VMAC: variants seen among roughly 807,000 people sequenced by gnomAD.
VMAC encodes the protein vimentin-type intermediate filament-associated coiled-coil protein.
In VMAC, 8 loss-of-function variants were observed where a neutral mutation model predicts 4.8. The ratio of observed to expected loss-of-function variants is 1.68; its 90% CI spans 0.99 to 3.03. The LOEUF (loss-of-function observed/expected upper bound fraction) is 3.03. Ranked by LOEUF, VMAC falls within the 30% of genes most tolerant of loss-of-function variation. The pLI, the probability that VMAC is intolerant of heterozygous loss-of-function variation, is 0.00. For synonymous variants in VMAC, 96 were observed against 113.7 expected (o/e 0.84, Z 0.99); for missense variants, 248 against 245.1 (o/e 1.01, Z -0.08).
At chr19:5,906,263 C>G (rs1170288391) in intron 1 of VMAC, among the ~76,000 whole-genome samples, 1 of 152,252 alleles carries the variant, frequency 6.6e-6, no homozygotes, top group African/African-American at 2.4e-5. Context: ...AGCCACCATG[C>G]TGGCCCATAT....
rs1007492711 is a variant in VMAC at position 5,909,404 on chromosome 19, T to A, written c.*262T>A. 4.5e-6 allele frequency: 2 copies of A among 441,822 alleles called. No individual in the cohort carries two copies. The highest frequency in any genetic ancestry group is 4.2e-5 in the African/African-American group (2 of 48,024). 27.4% of individuals were successfully genotyped at this position (441,822 alleles called of 1,614,324 possible). ...ACCTGGCAATGCAAACACAAAGATC[T>A]GGATTTCTGGCAAGACTTGGCCAAG... On this transcript the variant is annotated 3_prime_UTR_variant, in exon 2 of 2. Coordinates refer to ENST00000339485, the MANE Select transcript of VMAC (RefSeq NM_001017921.4).
chr19:5,909,200 G>T lies in VMAC; in HGVS notation c.*58G>T. On this transcript the variant is annotated 3_prime_UTR_variant, in exon 2 of 2. Coordinates refer to ENST00000339485, the MANE Select transcript of VMAC (RefSeq NM_001017921.4). ...AAGCCACTGCTGTCAGTGTCCTTGG[G>T]AGTCACCAGCACCCTGCAGGGGGAC... 1 of 1,509,102 alleles carries T rather than the reference G, an allele frequency of 6.6e-7. No homozygotes were observed. The highest frequency in any genetic ancestry group is 2.3e-5 in the Admixed American group (1 of 43,792). 93.5% of individuals were successfully genotyped at this position (1,509,102 alleles called of 1,614,324 possible).
intron 1 of VMAC, among the ~76,000 whole-genome samples, chr19:5,907,610 TAAAAAAAAAAAAAAAA>T (rs771762988): frequency 1.1e-4 from 2 of 18,690 alleles, no homozygotes; most frequent in South Asian, 4.1e-3. Context: ...CTGTCTCTAC[TAAAAAAAAAAAAAAAA>T]AAAAAAAAAA....
intron 1 of VMAC, among the ~76,000 whole-genome samples, chr19:5,907,925 G>C (rs1454893875): frequency 6.6e-6 from 1 of 152,170 alleles, no homozygotes; most frequent in African/African-American, 2.4e-5. Context: ...ATGTGGAAAT[G>C]TGAGTCAATT....
chr19:5,908,857 C>T lies in VMAC; in HGVS notation c.225C>T (p.Thr75=), dbSNP rs761826467. Residue 75 remains threonine, a synonymous_variant, in exon 2 of 2, where the codon ACC becomes ACT. Transcript: ENST00000339485. This position sits in a 1 kb window ranked among gnomAD's most constrained non-coding sequence, Gnocchi z 4.5. ...EIATLQEQLM[T]SEATVHSLQA... ...CCACACTCCAGGAGCAGCTGATGAC[C>T]TCAGAAGCCACTGTCCACAGCCTGC... The T allele has an allele frequency of 1.9e-6, 3 of 1,613,646 alleles. No individual in the cohort carries two copies. Among genetic ancestry groups the T allele is most frequent in the Non-Finnish European group, 2.5e-6 (3 of 1,179,852 alleles).
At chr19:5,905,198 G>A (rs1386813497) in intron 1 of VMAC, 117 bp downstream of exon 1, 3 of 1,131,130 alleles carry the variant, frequency 2.7e-6, no homozygotes, top group Non-Finnish European at 3.4e-6. Flanking sequence ...ACGCTAGACT[G>A]AGTATCGGAT....
chr19:5,906,959 G>A (rs992416029), intron 1 of VMAC, among the ~76,000 whole-genome samples: 6 of 152,222 alleles, frequency 3.9e-5, no homozygotes, highest in African/African-American at 1.2e-4. Context: ...CCCAGGAGGC[G>A]GAAGTTGCAG....
chr19:5,906,302 C>G (rs1325940284), intron 1 of VMAC, among the ~76,000 whole-genome samples: 1 of 152,208 alleles, frequency 6.6e-6, no homozygotes, highest in Non-Finnish European at 1.5e-5. Flanking sequence ...CCTCTGACAG[C>G]TGAGGATGAA....
At chr19:5,907,742 C>T (rs1399481969) in intron 1 of VMAC, among the ~76,000 whole-genome samples, 1 of 151,354 alleles carries the variant, frequency 6.6e-6, no homozygotes. Flanking sequence ...GCCGAGATCA[C>T]ACCACTGCAC....
At chr19:5,907,221 G>C (rs186382975) in intron 1 of VMAC, among the ~76,000 whole-genome samples, 6 of 152,064 alleles carry the variant, frequency 3.9e-5, no homozygotes, top group African/African-American at 9.6e-5. Flanking sequence ...GAGTTCTTTT[G>C]TATCTCTTCA....
intron 1 of VMAC, among the ~76,000 whole-genome samples, chr19:5,906,575 G>A (rs1480503147): frequency 6.6e-6 from 1 of 152,190 alleles, no homozygotes; most frequent in Non-Finnish European, 1.5e-5. Context: ...CATCATTGGT[G>A]GCCAGCGGCC....
At chr19:5,907,813 A>G (rs1308011514) in intron 1 of VMAC, among the ~76,000 whole-genome samples, 1 of 151,576 alleles carries the variant, frequency 6.6e-6, no homozygotes, top group Admixed American at 6.6e-5. Context: ...TGATGGTTTT[A>G]TAAGGGATTC....
At position 5,908,530 on chromosome 19, in the gene VMAC, T is replaced by C. The variant is rs2057686788; in HGVS notation, c.192-294T>C. Among the ~76,000 whole-genome samples, 1 of 151,962 alleles carries C rather than the reference T, an allele frequency of 6.6e-6. No homozygotes were observed. The highest frequency in any genetic ancestry group is 6.6e-5 in the Admixed American group (1 of 15,246). The stretch of plus-strand genomic sequence containing the variant: ...ACTAGGGAGGCTGAGGCAGGAGAAT[T>C]GCTTGAACCCTGGAGCCGGAAGTTG... On this transcript the variant is annotated intron_variant, in intron 1 of 1. Transcript: ENST00000339485. This position sits in a 1 kb window ranked among gnomAD's most constrained non-coding sequence, Gnocchi z 4.5.
At position 5,909,551 on chromosome 19, in the gene VMAC, C is replaced by T. The variant is rs2057690880; in HGVS notation, c.*409C>T. 1.7e-5 allele frequency: 3 copies of T among 172,568 alleles called. No homozygotes were observed. The South Asian group carries it at 3.9e-4, about 22-fold the overall frequency. 10.7% of individuals were successfully genotyped at this position (172,568 alleles called of 1,614,324 possible). On this transcript the variant is annotated 3_prime_UTR_variant, in exon 2 of 2. Transcript: ENST00000339485. ...CTGGGGTGCAGTGGTGCGATTTTGG[C>T]TAACTGCAACCTCCGCCTCCCAGGT...
In VMAC at chr19:5,909,488, T is replaced by G. The variant is rs370257051; in HGVS notation, c.*346T>G. 0.11 allele frequency: 24,458 copies of G among 222,260 alleles called. 1,715 individuals are homozygous for G. Among genetic ancestry groups the G allele is most frequent in the Middle Eastern group, 0.16 (103 of 632 alleles). The allele number at this position is 222,260 out of a possible 1,614,324, so 13.8% of individuals were successfully genotyped here. A position where few individuals can be genotyped will look rare whatever the true frequency, so the allele number is the denominator to read the frequency against. On this transcript the variant is annotated 3_prime_UTR_variant, in exon 2 of 2. Transcript: ENST00000339485. ...GGGTGTGAGTTTCTGTTTTTTGTTT[T>G]TTTTTTTTTAAGACAGAGTCCCACT...
At chr19:5,907,871 T>C (rs2057684543) in intron 1 of VMAC, among the ~76,000 whole-genome samples, 1 of 152,032 alleles carries the variant, frequency 6.6e-6, no homozygotes, top group Non-Finnish European at 1.5e-5. Context: ...TATAAAGAGG[T>C]TCCTTCCATC....
At chr19:5,905,544 C>T (rs563928513) in intron 1 of VMAC, among the ~76,000 whole-genome samples, 13 of 152,274 alleles carry the variant, frequency 8.5e-5, no homozygotes, top group Admixed American at 2.0e-4. Flanking sequence ...CTCAGCCTCC[C>T]GTGTAGCTGG....
chr19:5,907,618 A>AAAAAAAAAAAAC (rs2057683431), intron 1 of VMAC, among the ~76,000 whole-genome samples: 1 of 131,790 alleles, frequency 7.6e-6, no homozygotes, highest in African/African-American at 2.7e-5. Context: ...ACTAAAAAAA[A>AAAAAAAAAAAAC]AAAAAAAAAA....
intron 1 of VMAC, among the ~76,000 whole-genome samples, chr19:5,907,343 G>T (rs1219107032): frequency 1.3e-5 from 2 of 151,988 alleles, no homozygotes; most frequent in Non-Finnish European, 2.9e-5. Flanking sequence ...GTTAGACTTT[G>T]TGTTTCCACC....
Sources: allele counts gnomAD v4.1 joint callset (sites outside exome capture counted in the v4.1 genomes callset), GRCh38; gene constraint gnomAD v4.1.1; non-coding constraint Gnocchi (gnomAD v3.1); transcripts MANE v1.5; gene names NCBI Gene and HGNC (gene_info 2026-07-23, HGNC 2026-07-21).